The following CDH13 variants were observed in gnomAD, a reference collection of about 807,000 sequenced individuals.
The protein encoded by CDH13 is cadherin-13.
A neutral mutation model predicts 63.8 loss-of-function variants in CDH13; 24 were observed. The ratio of observed to expected loss-of-function variants is 0.38; its 90% confidence interval spans 0.27 to 0.53. CDH13 has a LOEUF of 0.53. CDH13 is among the 20% of genes least tolerant of loss of function. The probability of loss-of-function intolerance (pLI) is 0.85; values close to 1 mark genes in which losing one functional copy is unlikely to be tolerated. For missense variants in CDH13, 1,049 were observed against 903.1 expected (o/e 1.16, Z -2.07); for synonymous variants, 503 against 355.3 (o/e 1.42, Z -4.67).
At chr16:83,512,667 C>CAATAATAATAATAATAATAATAT (rs147859131) in intron 7 of CDH13, among the ~76,000 whole-genome samples, 1 of 148,790 alleles carries the variant, frequency 6.7e-6, no homozygotes, top group African/African-American at 2.5e-5. Context: ...GACTCCGTCT[C>CAATAATAATAATAATAATAATAT]AATAATAATA....
intron 11 of CDH13, among the ~76,000 whole-genome samples, chr16:83,761,823 T>C (rs1235214027): frequency 6.6e-6 from 1 of 152,148 alleles, no homozygotes; most frequent in Non-Finnish European, 1.5e-5. Flanking sequence ...TCCCAGCACT[T>C]TGGGAGGCTG....
At chr16:82,802,958 T>C (rs2036941364) in intron 1 of CDH13, among the ~76,000 whole-genome samples, 1 of 152,200 alleles carries the variant, frequency 6.6e-6, no homozygotes, top group African/African-American at 2.4e-5. Context: ...TTTCAGAAAC[T>C]CTAAAATACT....
At chr16:83,668,546 C>G (rs1914212503) in intron 8 of CDH13, among the ~76,000 whole-genome samples, 1 of 152,202 alleles carries the variant, frequency 6.6e-6, no homozygotes, top group Non-Finnish European at 1.5e-5. Context: ...AGAAGAACCA[C>G]AAGGACGGGT....
chr16:83,182,011 G>T (rs893818208), intron 4 of CDH13, among the ~76,000 whole-genome samples: 1 of 152,168 alleles, frequency 6.6e-6, no homozygotes, highest in Non-Finnish European at 1.5e-5. Context: ...TGCTCTACCT[G>T]TGGCAAAGTG....
At chr16:83,591,933 T>C (rs760368960) in intron 7 of CDH13, among the ~76,000 whole-genome samples, 51 of 152,206 alleles carry the variant, frequency 3.4e-4, no homozygotes, top group Non-Finnish European at 6.2e-4. Context: ...CCTTCTTCCA[T>C]ATAATTTGAC....
At chr16:83,216,404 A>ATATATGTATATATATATATG (rs1481023092) in intron 4 of CDH13, among the ~76,000 whole-genome samples, 1 of 56,534 alleles carries the variant, frequency 1.8e-5, no homozygotes, top group Non-Finnish European at 3.2e-5. Flanking sequence ...TGAAATATAT[A>ATATATGTATATATATATATG]TATATATATA....
At chr16:83,417,371 G>A (rs917312513) in intron 6 of CDH13, among the ~76,000 whole-genome samples, 2 of 152,050 alleles carry the variant, frequency 1.3e-5, no homozygotes, top group African/African-American at 4.8e-5. Flanking sequence ...AGCAAATGCT[G>A]CACCCAGAAT....
chr16:82,627,907 G>A (rs1372717536), intron 1 of CDH13, among the ~76,000 whole-genome samples: 1 of 152,230 alleles, frequency 6.6e-6, no homozygotes, highest in Non-Finnish European at 1.5e-5. Flanking sequence ...TCCCTGAGCG[G>A]GAGCGGAGCG....
chr16:83,329,346 C>G (rs2090433849), intron 5 of CDH13, among the ~76,000 whole-genome samples: 1 of 152,060 alleles, frequency 6.6e-6, no homozygotes, highest in Non-Finnish European at 1.5e-5. Flanking sequence ...CCACCTCAGC[C>G]TCCTGAGTAG....
At chr16:83,018,261 C>T (rs1229845948) in intron 2 of CDH13, among the ~76,000 whole-genome samples, 1 of 152,156 alleles carries the variant, frequency 6.6e-6, no homozygotes, top group African/African-American at 2.4e-5. Context: ...CATGACAGCC[C>T]TGCCAATAAT....
intron 8 of CDH13, among the ~76,000 whole-genome samples, chr16:83,661,857 A>C (rs1913474731): frequency 6.6e-6 from 1 of 152,294 alleles, no homozygotes; most frequent in South Asian, 2.1e-4. Context: ...AGAGGGAGCA[A>C]TTCCTGCCAG....
At position 83,610,517 on chromosome 16, in the gene CDH13, C is replaced by A. The variant is rs114919257; in HGVS notation, c.1101+7923C>A. On this transcript the variant is annotated intron_variant, in intron 8 of 13. Transcript: ENST00000567109. Reference sequence around the variant, plus strand: ...GTTCCTGCTAGTCCCACCACCTGCTCGGTAAAACAGCTCCTCTCCTGACGT... The same window carrying A: ...GTTCCTGCTAGTCCCACCACCTGCTAGGTAAAACAGCTCCTCTCCTGACGT... Among the ~76,000 whole-genome samples the A allele has an allele frequency of 3.3e-3, 507 of 152,244 alleles. 1 individual carries two copies. Among genetic ancestry groups the A allele is most frequent in the African/African-American group, 0.012 (478 of 41,542 alleles).
chr16:83,228,785 C>T (rs931673064), intron 5 of CDH13, among the ~76,000 whole-genome samples: 2 of 152,136 alleles, frequency 1.3e-5, no homozygotes, highest in East Asian at 3.9e-4. Context: ...ACATGATACT[C>T]CTGCGGCGAA....
chr16:83,028,990 C>G (rs149982943), intron 2 of CDH13, among the ~76,000 whole-genome samples: 118 of 152,282 alleles, frequency 7.7e-4, no homozygotes, highest in Non-Finnish European at 1.4e-3. Context: ...GTACTGGGCA[C>G]CAACTTTGCA....
intron 11 of CDH13, among the ~76,000 whole-genome samples, chr16:83,773,350 G>C (rs1257428658): frequency 6.6e-6 from 1 of 152,208 alleles, no homozygotes; most frequent in Non-Finnish European, 1.5e-5. Flanking sequence ...AATTTATAAA[G>C]GAAAGAGGTT....
rs1289923564 is a variant in CDH13 at position 83,047,489 on chromosome 16, C to A, written c.366+15271C>A. On this transcript the variant is annotated intron_variant, in intron 3 of 13. Coordinates refer to ENST00000567109, the MANE Select transcript of CDH13 (RefSeq NM_001257.5). This position sits in a 1 kb window ranked among gnomAD's most constrained non-coding sequence, Gnocchi z 4.9. ...TCTGTAATTTCCTCTTTCCCTCAGGCCTTTGCGTAATATTTTCTCTGCATG... is the reference window on the plus strand; with the variant it reads ...TCTGTAATTTCCTCTTTCCCTCAGGACTTTGCGTAATATTTTCTCTGCATG... Among the ~76,000 whole-genome samples the A allele has an allele frequency of 6.6e-6, 1 of 152,100 alleles. No homozygotes were observed. Among genetic ancestry groups the A allele is most frequent in the Non-Finnish European group, 1.5e-5 (1 of 68,024 alleles).
chr16:82,919,639 T>G (rs2042095231), intron 2 of CDH13, among the ~76,000 whole-genome samples: 2 of 152,232 alleles, frequency 1.3e-5, no homozygotes, highest in Admixed American at 6.5e-5. Flanking sequence ...ATTCCATGTT[T>G]ATTGTGAATA....
In CDH13 at chr16:83,352,812, C is replaced by T. The variant is rs561645583; in HGVS notation, c.781+7806C>T. On this transcript the variant is annotated intron_variant, in intron 6 of 13. Transcript: ENST00000567109. ...TGCTGAGGTGGGAGAATGGCATGAACCCGGGAGGCGGAGTGTACAGTGAAC... is the reference window on the plus strand; with the variant it reads ...TGCTGAGGTGGGAGAATGGCATGAATCCGGGAGGCGGAGTGTACAGTGAAC... Among the ~76,000 whole-genome samples the T allele has an allele frequency of 3.9e-5, 6 of 152,304 alleles. No homozygotes were observed. In the South Asian group the frequency reaches 1.0e-3, roughly 26 times the overall value.
chr16:82,888,992 C>G (rs984301921), intron 2 of CDH13, among the ~76,000 whole-genome samples: 1 of 152,150 alleles, frequency 6.6e-6, no homozygotes, highest in African/African-American at 2.4e-5. Flanking sequence ...CCTGAACTAA[C>G]AGTTTGCCTT....
Sources: allele counts gnomAD v4.1 joint callset (sites outside exome capture counted in the v4.1 genomes callset), GRCh38; gene constraint gnomAD v4.1.1; non-coding constraint Gnocchi (gnomAD v3.1); transcripts MANE v1.5; gene names NCBI Gene and HGNC (gene_info 2026-07-23, HGNC 2026-07-21).